Variants in FCHO1 observed in about 807,000 individuals in gnomAD.
FCHO1 encodes FCH and mu domain containing endocytic adaptor 1.
Under a neutral mutation model 114.4 loss-of-function variants are expected in FCHO1, and 45 were observed. The ratio of observed to expected loss-of-function variants is 0.39; its 90% CI spans 0.31 to 0.50. The LOEUF is 0.50. Among genes scored for constraint, FCHO1 ranks in the 20% least tolerant of loss-of-function variants. FCHO1 has a pLI of 0.77. For synonymous variants in FCHO1, 480 were observed against 488.9 expected (o/e 0.98, Z 0.24); for missense variants, 1,042 against 1,209.6 (o/e 0.86, Z 2.06).
intron 11 of FCHO1, 119 bp from the exon 12 acceptor site, chr19:17,774,120 G>A: frequency 1.2e-6 from 1 of 860,226 alleles, no homozygotes; most frequent in Non-Finnish European, 1.9e-6. Flanking sequence ...TGGTGGCCAG[G>A]CTGGTCTTGA....
chr19:17,775,792 T>C lies in FCHO1; in HGVS notation c.1004-191T>C, dbSNP rs1175740185. Reference sequence around the variant, plus strand: ...TTTGCCAGTTAGTTCTGGGCATGCTTGTGCAAAGGCTTCTCGGGGGGGGTG... The same window carrying C: ...TTTGCCAGTTAGTTCTGGGCATGCTCGTGCAAAGGCTTCTCGGGGGGGGTG... On this transcript the variant is annotated intron_variant, in intron 15 of 28. Coordinates refer to ENST00000596536, the MANE Select transcript of FCHO1 (RefSeq NM_015122.3). This position sits in a 1 kb window ranked among gnomAD's most constrained non-coding sequence, Gnocchi z 5.1. Among the ~76,000 whole-genome samples, 1 of 148,932 alleles carries C rather than the reference T, an allele frequency of 6.7e-6. No homozygotes were observed. The highest frequency in any genetic ancestry group is 2.5e-5 in the African/African-American group (1 of 40,060).
Position 17,776,312 on chromosome 19 carries a change from G to A in FCHO1, c.1207+41G>A. 6.2e-7 allele frequency: 1 copy of A among 1,613,554 alleles called. No homozygotes were observed. Among genetic ancestry groups the A allele is most frequent in the Non-Finnish European group, 8.5e-7 (1 of 1,179,498 alleles). ...TCTTCAGAGTGGGGAGGATCCTAAG[G>A]AAGGGAGGCTATGGGTTTGGGCTTG... is the stretch of plus-strand genomic sequence containing the variant. On this transcript the variant is annotated intron_variant, in intron 17 of 28. Transcript: ENST00000596536. The surrounding 1 kb of genome is among the most constrained non-coding windows in gnomAD (Gnocchi z 4.4).
At chr19:17,764,233 GT>G (rs1361532703) in intron 5 of FCHO1, 141 bp from the exon 6 acceptor site, 11 of 732,922 alleles carry the variant, frequency 1.5e-5, no homozygotes, top group Admixed American at 2.3e-5. Flanking sequence ...TAGAGACAGG[GT>G]TTCACCAAGT....
chr19:17,788,243 C>A, intron 28 of FCHO1, 41 bp from the exon 29 acceptor site: 1 of 1,211,184 alleles, frequency 8.3e-7, no homozygotes, highest in Non-Finnish European at 1.2e-6. Flanking sequence ...CTCCCGTACC[C>A]CTCCTCCCCA....
At chr19:17,748,465 G>A (rs940254305), upstream of FCHO1, among the ~76,000 whole-genome samples, 5 of 151,000 alleles carry the variant, frequency 3.3e-5, no homozygotes, top group South Asian at 2.1e-4. Flanking sequence ...TGCCTGGCAC[G>A]GTTTATCCAG....
At chr19:17,767,557 A>ACT (rs3083684) in intron 7 of FCHO1, among the ~76,000 whole-genome samples, 56,712 of 122,966 alleles carry the variant, frequency 0.46, 13,007 homozygotes, top group East Asian at 0.7. Flanking sequence ...ACAGAGAAAG[A>ACT]CTGTCTAAAA....
intron 20 of FCHO1, among the ~76,000 whole-genome samples, chr19:17,779,209 G>A (rs1041585211): frequency 3.9e-5 from 6 of 152,158 alleles, no homozygotes; most frequent in Non-Finnish European, 8.8e-5. Context: ...AGCGCGCTAG[G>A]CCTGTCTGAA....
At chr19:17,786,287 C>T (rs915201887) in intron 26 of FCHO1, among the ~76,000 whole-genome samples, 2 of 151,998 alleles carry the variant, frequency 1.3e-5, no homozygotes, top group Non-Finnish European at 2.9e-5. Context: ...GAGCAGAGAT[C>T]GCACCAATGC....
intron 22 of FCHO1, 26 bp from the exon 23 acceptor site, chr19:17,781,686 C>T (rs73010797): frequency 0.051 from 79,291 of 1,569,600 alleles, 2,450 homozygotes; most frequent in Non-Finnish European, 0.062. Context: ...ATCCGTTGTT[C>T]CCCATTCCCT....
At position 17,778,944 on chromosome 19, in the gene FCHO1, C is replaced by T. The variant is rs1014053631; in HGVS notation, c.1627+60C>T. 1.4e-5 allele frequency: 20 copies of T among 1,452,554 alleles called. No individual in the cohort carries two copies. In the African/African-American group the frequency reaches 2.3e-4, roughly 16 times the overall value. 90.0% of individuals were successfully genotyped at this position (1,452,554 alleles called of 1,614,324 possible). ...GAACCCTGGGCGGGGGATTGAGCGC[C>T]TGCTTTGGGCAGGGCCTGATCAGGC... On this transcript the variant is annotated intron_variant, in intron 20 of 28. Transcript: ENST00000596536.
chr19:17,777,899 C>T (rs1355699431), intron 18 of FCHO1, among the ~76,000 whole-genome samples: 1 of 152,116 alleles, frequency 6.6e-6, no homozygotes, highest in Non-Finnish European at 1.5e-5. Context: ...ATTAGCCGGG[C>T]ATGGTGGCAG....
In FCHO1 at chr19:17,755,099, A is replaced by C; in HGVS notation, c.-47-19A>C. ...ACACTGGCAATGACTCTGTAGCTCA[A>C]ACTTGCCTCTCTCTTCAGACAGGCA... On this transcript the variant is annotated intron_variant, in intron 3 of 28. Transcript: ENST00000596536. The C allele has an allele frequency of 6.6e-7, 1 of 1,525,598 alleles. No individual in the cohort carries two copies. The highest frequency in any genetic ancestry group is 9.1e-7 in the Non-Finnish European group (1 of 1,099,450). The allele number at this position is 1,525,598 out of a possible 1,614,324, so 94.5% of individuals were successfully genotyped here.
Position 17,755,098 on chromosome 19 carries a change from A to G in FCHO1, c.-47-20A>G. 1 of 1,521,764 alleles carries G rather than the reference A, an allele frequency of 6.6e-7. No homozygotes were observed. The highest frequency in any genetic ancestry group is 2.3e-5 in the East Asian group (1 of 44,396). The allele number at this position is 1,521,764 out of a possible 1,614,324, so 94.3% of individuals were successfully genotyped here. A position where few individuals can be genotyped will look rare whatever the true frequency, so the allele number is the denominator to read the frequency against. ...CACACTGGCAATGACTCTGTAGCTC[A>G]AACTTGCCTCTCTCTTCAGACAGGC... On this transcript the variant is annotated intron_variant, in intron 3 of 28. Coordinates refer to ENST00000596536, the MANE Select transcript of FCHO1 (RefSeq NM_015122.3).
chr19:17,748,471 T>G (rs2081110578), upstream of FCHO1, among the ~76,000 whole-genome samples: 1 of 144,374 alleles, frequency 6.9e-6, no homozygotes. Flanking sequence ...GCACGGTTTA[T>G]CCAGGCCAGG....
intron 4 of FCHO1, among the ~76,000 whole-genome samples, chr19:17,757,278 G>GC (rs917884550): frequency 2.6e-5 from 4 of 151,758 alleles, no homozygotes; most frequent in African/African-American, 9.7e-5. Flanking sequence ...ACCTGAGACA[G>GC]CCCCTCCTAG....
chr19:17,785,833 CAAA>C (rs36116021), intron 26 of FCHO1, among the ~76,000 whole-genome samples: 1 of 130,432 alleles, frequency 7.7e-6, no homozygotes. Flanking sequence ...GACTCCGTCT[CAAA>C]AAAAAAAAAA....
chr19:17,782,691 T>C (rs954994281), intron 23 of FCHO1, among the ~76,000 whole-genome samples: 1 of 152,110 alleles, frequency 6.6e-6, no homozygotes, highest in Non-Finnish European at 1.5e-5. Flanking sequence ...AGTCAAACCA[T>C]GAAGAAGAGG....
chr19:17,777,223 TA>T (rs1227261121), intron 18 of FCHO1, among the ~76,000 whole-genome samples: 1 of 152,096 alleles, frequency 6.6e-6, no homozygotes, highest in Non-Finnish European at 1.5e-5. Flanking sequence ...AGTCACATTC[TA>T]GTGACTCCAG....
At chr19:17,748,517 G>GA (rs1036754478), upstream of FCHO1, among the ~76,000 whole-genome samples, 3 of 150,070 alleles carry the variant, frequency 2.0e-5, no homozygotes, top group African/African-American at 7.4e-5. Context: ...TGGGGGGGGG[G>GA]TCCCTCTTTT....
Sources: gnomAD v4.1 joint callset for allele counts (sites outside exome capture counted in the v4.1 genomes callset) on GRCh38, gnomAD v4.1.1 for gene constraint, Gnocchi (gnomAD v3.1) non-coding constraint, MANE v1.5 for transcripts, NCBI Gene and HGNC (gene_info 2026-07-23, HGNC 2026-07-21) for gene names.